The following CEP112 variants were observed in gnomAD, a reference collection of about 807,000 sequenced individuals.
CEP112 encodes the protein centrosomal protein of 112 kDa.
In CEP112, 127 loss-of-function variants were observed where a neutral mutation model predicts 153.0. The ratio of observed to expected loss-of-function variants is 0.83; its 90% CI spans 0.72 to 0.96. The LOEUF is 0.96. Ranked by LOEUF, CEP112 falls within the 40% of genes least tolerant of loss-of-function variation. The probability of loss-of-function intolerance (pLI) is 0.00; values close to 1 mark genes in which losing one functional copy is unlikely to be tolerated. For missense variants in CEP112, 1,089 were observed against 1,101.2 expected (o/e 0.99, Z 0.16); for synonymous variants, 358 against 374.4 (o/e 0.96, Z 0.51).
At position 65,926,197 on chromosome 17, in the gene CEP112, T is replaced by C. The variant is rs1438589974; in HGVS notation, c.1980+1385A>G. On this transcript the variant is annotated intron_variant, in intron 19 of 26. Transcript: ENST00000535342. The stretch of plus-strand genomic sequence containing the variant: ...TAACCTGGTCTTCATCATCATTTAT[T>C]TTCCTTGAACACTTCCAGCTTGCTC... Among the ~76,000 whole-genome samples, 4 of 152,276 alleles carry C rather than the reference T, an allele frequency of 2.6e-5. No individual in the cohort carries two copies. The South Asian group carries it at 6.2e-4, about 24-fold the overall frequency.
chr17:66,154,685 C>G (rs2071359576), intron 4 of CEP112, among the ~76,000 whole-genome samples: 1 of 151,780 alleles, frequency 6.6e-6, no homozygotes, highest in Non-Finnish European at 1.5e-5. Flanking sequence ...TAGAAAATAA[C>G]ATAGATGAGT....
At chr17:65,957,788 A>G (rs924791205) in intron 18 of CEP112, among the ~76,000 whole-genome samples, 9 of 152,188 alleles carry the variant, frequency 5.9e-5, no homozygotes, top group African/African-American at 1.7e-4. Flanking sequence ...CAAGACTTTT[A>G]TGAGAATGTA....
chr17:66,088,871 C>T (rs187024851), intron 8 of CEP112, among the ~76,000 whole-genome samples: 2 of 152,232 alleles, frequency 1.3e-5, no homozygotes, highest in East Asian at 3.9e-4. Context: ...ACCAAAGAAC[C>T]AGGTCCATCC....
chr17:65,664,717 T>A (rs1482433612), intron 24 of CEP112, among the ~76,000 whole-genome samples: 1 of 152,254 alleles, frequency 6.6e-6, no homozygotes, highest in Admixed American at 6.5e-5. Flanking sequence ...CTCTCAATCC[T>A]GATAACACCA....
intron 23 of CEP112, among the ~76,000 whole-genome samples, chr17:65,712,021 G>A (rs1365244192): frequency 6.6e-6 from 1 of 152,128 alleles, no homozygotes; most frequent in African/African-American, 2.4e-5. Flanking sequence ...GGCACCTACT[G>A]CTCAGGTTAA....
chr17:65,801,333 C>T (rs2055261560), intron 21 of CEP112, among the ~76,000 whole-genome samples: 1 of 152,184 alleles, frequency 6.6e-6, no homozygotes. Flanking sequence ...GTTGGGATTA[C>T]AGGCATGAGC....
At chr17:66,149,884 G>GGTTTTTTTTTTTTTTTTT (rs2071105490) in intron 4 of CEP112, among the ~76,000 whole-genome samples, 1 of 46,838 alleles carries the variant, frequency 2.1e-5, no homozygotes, top group African/African-American at 8.3e-5. Context: ...TTTTTTGTTT[G>GGTTTTTTTTTTTTTTTTT]TTTGTTTTTT....
chr17:66,164,789 A>T (rs1399074143), intron 4 of CEP112, among the ~76,000 whole-genome samples: 2 of 151,504 alleles, frequency 1.3e-5, no homozygotes, highest in Non-Finnish European at 2.9e-5. Flanking sequence ...CAGAAGGCAG[A>T]GGTTGTGGTG....
chr17:66,136,995 A>G (rs1161108077), intron 4 of CEP112, among the ~76,000 whole-genome samples: 1 of 152,200 alleles, frequency 6.6e-6, no homozygotes, highest in Admixed American at 6.5e-5. Flanking sequence ...AAAATGGCCC[A>G]AAGAAAGGAA....
At chr17:65,773,538 T>A (rs571499670) in intron 21 of CEP112, among the ~76,000 whole-genome samples, 3 of 152,200 alleles carry the variant, frequency 2.0e-5, no homozygotes, top group Non-Finnish European at 4.4e-5. Context: ...TGTCTCCAAA[T>A]GTAAATTATA....
intron 23 of CEP112, among the ~76,000 whole-genome samples, chr17:65,712,291 A>G (rs1202188430): frequency 3.3e-5 from 5 of 152,200 alleles, no homozygotes; most frequent in Admixed American, 3.3e-4. Flanking sequence ...GGCAATTATG[A>G]TCATTTCTTC....
At chr17:66,059,919 G>A (rs1461912449) in intron 11 of CEP112, among the ~76,000 whole-genome samples, 1 of 152,054 alleles carries the variant, frequency 6.6e-6, no homozygotes, top group East Asian at 1.9e-4. Flanking sequence ...ATGGTGGATT[G>A]GATAAAGAAA....
chr17:66,040,733 GCCTC>G (rs1420014268), intron 12 of CEP112, among the ~76,000 whole-genome samples: 7 of 152,094 alleles, frequency 4.6e-5, no homozygotes, highest in Non-Finnish European at 1.0e-4. Context: ...CAGGTGATCT[GCCTC>G]CCTTGGCCTT....
chr17:65,702,573 G>A (rs2048696375), intron 23 of CEP112, among the ~76,000 whole-genome samples: 1 of 152,144 alleles, frequency 6.6e-6, no homozygotes, highest in African/African-American at 2.4e-5. Context: ...GTATATTGTT[G>A]TAATTGTTCT....
intron 23 of CEP112, among the ~76,000 whole-genome samples, chr17:65,723,822 A>C (rs930100045): frequency 6.6e-6 from 1 of 152,224 alleles, no homozygotes; most frequent in African/African-American, 2.4e-5. Context: ...GTAAAATGTT[A>C]CTTCTTAAAA....
At chr17:66,125,652 T>C (rs929214244) in intron 6 of CEP112, among the ~76,000 whole-genome samples, 5 of 151,866 alleles carry the variant, frequency 3.3e-5, no homozygotes, top group African/African-American at 9.7e-5. Context: ...CAACTAATCA[T>C]ACCACAAAGT....
chr17:66,130,938 A>G (rs1294022086), intron 5 of CEP112, among the ~76,000 whole-genome samples: 1 of 152,182 alleles, frequency 6.6e-6, no homozygotes, highest in Non-Finnish European at 1.5e-5. Context: ...CTGTACCCAG[A>G]AATTGACAAT....
chr17:65,766,719 AAGAG>A, intron 21 of CEP112, among the ~76,000 whole-genome samples: 1 of 151,540 alleles, frequency 6.6e-6, no homozygotes, highest in South Asian at 2.1e-4. Flanking sequence ...AAAAAAAAAA[AAGAG>A]AGAACAGAAG....
intron 18 of CEP112, among the ~76,000 whole-genome samples, chr17:65,948,311 A>G (rs1002730150): frequency 9.2e-5 from 14 of 152,190 alleles, no homozygotes; most frequent in Non-Finnish European, 1.9e-4. Context: ...TAGAATTTAA[A>G]GCCAGATATT....
Sources: gnomAD v4.1 joint callset for allele counts (sites outside exome capture counted in the v4.1 genomes callset) on GRCh38, gnomAD v4.1.1 for gene constraint, MANE v1.5 for transcripts, NCBI Gene and HGNC (gene_info 2026-07-23, HGNC 2026-07-21) for gene names.